Variants in PEMT observed in about 807,000 individuals in gnomAD.
PEMT encodes the protein phosphatidylethanolamine N-methyltransferase, also known as phospholipid methyltransferase.
A neutral mutation model predicts 27.4 loss-of-function variants in PEMT; 23 were observed. That is an observed-to-expected ratio of 0.84 (90% confidence interval 0.60 to 1.19). The LOEUF is 1.19. Ranked by LOEUF, PEMT falls within the 50% of genes most tolerant of loss-of-function variation. PEMT has a pLI of 0.00. For missense variants in PEMT, 307 were observed against 310.1 expected (o/e 0.99, Z 0.07); for synonymous variants, 137 against 139.1 (o/e 0.98, Z 0.11).
intron 2 of PEMT, among the ~76,000 whole-genome samples, chr17:17,549,930 G>A (rs1038343995): frequency 1.6e-4 from 25 of 152,364 alleles, no homozygotes; most frequent in African/African-American, 5.8e-4. Context: ...CATGCCAACA[G>A]GGGGTGGGCA....
At chr17:17,571,340 A>G (rs1911180317) in intron 2 of PEMT, among the ~76,000 whole-genome samples, 1 of 152,118 alleles carries the variant, frequency 6.6e-6, no homozygotes, top group Admixed American at 6.5e-5. Flanking sequence ...AGGAAGAGTG[A>G]GGGTCCGCAG....
At chr17:17,545,696 A>G (rs145157447) in intron 2 of PEMT, among the ~76,000 whole-genome samples, 2 of 152,294 alleles carry the variant, frequency 1.3e-5, no homozygotes, top group East Asian at 1.9e-4. Context: ...TTTGCTCAAA[A>G]TGTTCTCTTT....
At chr17:17,586,123 TA>T (rs1426738206) in intron 1 of PEMT, among the ~76,000 whole-genome samples, 1 of 76,722 alleles carries the variant, frequency 1.3e-5, no homozygotes, top group East Asian at 3.2e-4. Flanking sequence ...TGAGACCCAT[TA>T]AAAAAAATCT....
At chr17:17,546,103 C>G (rs1286608018) in intron 2 of PEMT, among the ~76,000 whole-genome samples, 3 of 152,122 alleles carry the variant, frequency 2.0e-5, no homozygotes, top group Non-Finnish European at 4.4e-5. Context: ...TATAAACTTG[C>G]CAGGTGGGGC....
intron 2 of PEMT, among the ~76,000 whole-genome samples, chr17:17,543,204 A>G (rs1255196037): frequency 1.3e-5 from 2 of 152,226 alleles, no homozygotes; most frequent in Admixed American, 1.3e-4. Context: ...TCGCATGTGC[A>G]TGTGACCACT....
At chr17:17,584,585 C>T (rs1277637928) in intron 1 of PEMT, among the ~76,000 whole-genome samples, 2 of 152,220 alleles carry the variant, frequency 1.3e-5, no homozygotes, top group Non-Finnish European at 2.9e-5. Context: ...ACTGAAACTA[C>T]AAGTGTGAGC....
chr17:17,552,454 C>T (rs1429167504), intron 2 of PEMT, among the ~76,000 whole-genome samples: 7 of 152,236 alleles, frequency 4.6e-5, no homozygotes, highest in African/African-American at 1.2e-4. Flanking sequence ...CGGCCACCAC[C>T]GTCCCTCCCA....
intron 5 of PEMT, among the ~76,000 whole-genome samples, chr17:17,509,200 C>T (rs1906147114): frequency 6.6e-6 from 1 of 152,276 alleles, no homozygotes; most frequent in Non-Finnish European, 1.5e-5. Context: ...GCCTTTGAGC[C>T]TCCACACTCC....
Position 17,582,120 on chromosome 17 carries a change from C to T in PEMT, c.97-5093G>A, listed in dbSNP as rs1011676654. The stretch of plus-strand genomic sequence containing the variant: ...CCCCTTCACACCTGTGACCAAAGGG[C>T]GGTCTCCCATCCACTCCCAGCCCCA... On this transcript the variant is annotated intron_variant, in intron 1 of 6. Coordinates refer to ENST00000255389, the MANE Select transcript of PEMT (RefSeq NM_148172.3). The surrounding 1 kb of genome is among the most constrained non-coding windows in gnomAD (Gnocchi z 4.9). 5 of 256,554 alleles carry T rather than the reference C, an allele frequency of 1.9e-5. No homozygotes were observed. Among genetic ancestry groups the T allele is most frequent in the East Asian group, 1.8e-4 (1 of 5,628 alleles). 15.9% of individuals were successfully genotyped at this position (256,554 alleles called of 1,614,324 possible).
chr17:17,517,636 TC>T (rs1247653407), intron 3 of PEMT, among the ~76,000 whole-genome samples: 1 of 152,198 alleles, frequency 6.6e-6, no homozygotes, highest in Non-Finnish European at 1.5e-5. Flanking sequence ...GGCCTCAGAA[TC>T]ATCAGGGAGT....
At chr17:17,529,218 G>A (rs1174897298) in intron 2 of PEMT, among the ~76,000 whole-genome samples, 1 of 152,218 alleles carries the variant, frequency 6.6e-6, no homozygotes, top group Non-Finnish European at 1.5e-5. Flanking sequence ...CCGGTGACCT[G>A]GATCACACCT....
In PEMT at chr17:17,569,133, C is replaced by A. The variant is rs73298582; in HGVS notation, c.204+7787G>T. 5.7e-3 allele frequency among the ~76,000 whole-genome samples: 873 copies of A among 152,330 alleles called. 12 individuals carry two copies. The highest frequency in any genetic ancestry group is 0.02 in the African/African-American group (823 of 41,572). On this transcript the variant is annotated intron_variant, in intron 2 of 6. Coordinates refer to ENST00000255389, the MANE Select transcript of PEMT (RefSeq NM_148172.3). Reference sequence around the variant, plus strand: ...GGGAAAGAGACTCTCAGGCTAAAAGCAGGAAAGTCCCCGGCCAGAGGGACA... The same window carrying A: ...GGGAAAGAGACTCTCAGGCTAAAAGAAGGAAAGTCCCCGGCCAGAGGGACA...
intron 2 of PEMT, among the ~76,000 whole-genome samples, chr17:17,546,291 T>C (rs1272868099): frequency 2.0e-5 from 3 of 152,146 alleles, no homozygotes; most frequent in African/African-American, 7.2e-5. Context: ...TGATGCCTGC[T>C]GGACACCACT....
rs1235548130 is a variant in PEMT, at chr17:17,512,629, G to T, written c.346C>A (p.Pro116Thr). The stretch of plus-strand genomic sequence containing the variant: ...GGGGTGTCCAGGCTCTCCATCCTGG[G>T]CTGGCTCAGCATGGCCTGCGTGAAG... Reference protein sequence around the residue: ...HCFTQAMLSQPRMESLDTPAA... With the variant: ...HCFTQAMLSQTRMESLDTPAA... The change falls in exon 4 of 7, where the codon CCC (proline) becomes ACC (threonine). Residue 116 changes from proline to threonine, a missense_variant. Physicochemically the swap from Pro to Thr is conservative, Grantham distance 38. Transcript: ENST00000255389. This position sits in a 1 kb window ranked among gnomAD's most constrained non-coding sequence, Gnocchi z 6.3. 2 of 1,574,542 alleles carry T rather than the reference G, an allele frequency of 1.3e-6. No individual in the cohort carries two copies. The highest frequency in any genetic ancestry group is 1.8e-5 in the Admixed American group (1 of 56,024).
intron 1 of PEMT, among the ~76,000 whole-genome samples, chr17:17,585,874 A>C (rs1216229618): frequency 6.6e-6 from 1 of 151,986 alleles, no homozygotes; most frequent in Non-Finnish European, 1.5e-5. Flanking sequence ...TGAAGTCAGG[A>C]GATCGAGATC....
chr17:17,521,327 C>T (rs1285774814), intron 3 of PEMT, among the ~76,000 whole-genome samples: 1 of 152,192 alleles, frequency 6.6e-6, no homozygotes, highest in African/African-American at 2.4e-5. Context: ...GGAGGTGAGA[C>T]CGGGGCCCAG....
At chr17:17,506,527 G>A (rs1905862339) in intron 5 of PEMT, among the ~76,000 whole-genome samples, 1 of 152,222 alleles carries the variant, frequency 6.6e-6, no homozygotes, top group South Asian at 2.1e-4. Flanking sequence ...ATCATTGTCT[G>A]CCTGTCTGGC....
chr17:17,528,905 C>T (rs143196459), intron 2 of PEMT, among the ~76,000 whole-genome samples: 6 of 152,346 alleles, frequency 3.9e-5, no homozygotes, highest in Non-Finnish European at 5.9e-5. Context: ...GACAGCCCAT[C>T]GAGGCATTTC....
In PEMT at chr17:17,582,234, T is replaced by A; in HGVS notation, c.97-5207A>T. The A allele has an allele frequency of 3.0e-6, 3 of 984,368 alleles. No individual in the cohort carries two copies. Among genetic ancestry groups the A allele is most frequent in the Non-Finnish European group, 3.6e-6 (3 of 829,016 alleles). 61.0% of individuals were successfully genotyped at this position (984,368 alleles called of 1,614,324 possible). Reference sequence around the variant, plus strand: ...TCCAAGGCTCCAGGTTGCAGAGGCCTCGGAATCTGACTAAAGGAAAGGAGC... The same window carrying A: ...TCCAAGGCTCCAGGTTGCAGAGGCCACGGAATCTGACTAAAGGAAAGGAGC... On this transcript the variant is annotated intron_variant, in intron 1 of 6. Coordinates refer to ENST00000255389, the MANE Select transcript of PEMT (RefSeq NM_148172.3). The surrounding 1 kb of genome is among the most constrained non-coding windows in gnomAD (Gnocchi z 4.9).
Sources: allele counts gnomAD v4.1 joint callset (sites outside exome capture counted in the v4.1 genomes callset), GRCh38; gene constraint gnomAD v4.1.1; non-coding constraint Gnocchi (gnomAD v3.1); transcripts MANE v1.5; gene names NCBI Gene and HGNC (gene_info 2026-07-23, HGNC 2026-07-21).